OXR1: variants seen among roughly 807,000 people sequenced by gnomAD.
OXR1 encodes the protein oxidation resistance protein 1.
A neutral mutation model predicts 104.6 loss-of-function variants in OXR1; 41 were observed. The ratio of observed to expected loss-of-function variants is 0.39; its 90% CI spans 0.31 to 0.51. The LOEUF is 0.51. OXR1 is among the 20% of genes least tolerant of loss of function. OXR1 has a pLI of 0.77. For missense variants in OXR1, 955 were observed against 1,031.9 expected (o/e 0.93, Z 1.02); for synonymous variants, 348 against 348.4 (o/e 1.00, Z 0.01).
At chr8:106,382,704 T>C (rs1048617966) in intron 2 of OXR1, among the ~76,000 whole-genome samples, 3 of 144,632 alleles carry the variant, frequency 2.1e-5, no homozygotes, top group African/African-American at 8.2e-5. Context: ...TTTTTTTTTT[T>C]TTTTAAGGAG....
rs1048851519 is a variant in OXR1, at chr8:106,706,393, A to T, written c.872A>T (p.Gln291Leu). 4.5e-6 allele frequency: 7 copies of T among 1,568,702 alleles called. No individual in the cohort carries two copies. The Admixed American group carries it at 8.7e-5, about 20-fold the overall frequency. The change falls in exon 9 of 17, where the codon CAG (glutamine) becomes CTG (leucine). Residue 291 changes from glutamine (Q) to leucine (L), a missense_variant. Transcript: ENST00000517566. ...TTGTTTAATGACAGAGATATAGATC[A>T]GCTATCAGGAAGGGACTTCTGCCAT... ...IKESLPIDIDQLSGRDFCHSK... is the reference protein window; with the variant it reads ...IKESLPIDIDLLSGRDFCHSK...
intron 1 of OXR1, among the ~76,000 whole-genome samples, chr8:106,357,475 G>C (rs1816021058): frequency 6.6e-6 from 1 of 152,044 alleles, no homozygotes; most frequent in Non-Finnish European, 1.5e-5. Flanking sequence ...TATTATTCTG[G>C]CAGTCAGGGT....
intron 1 of OXR1, among the ~76,000 whole-genome samples, chr8:106,281,825 A>T (rs13273743): frequency 1.0e-4 from 15 of 144,626 alleles, no homozygotes; most frequent in Admixed American, 1.0e-3. Flanking sequence ...AAAAAAAAAG[A>T]CACTTATATA....
At chr8:106,544,591 T>C (rs141176414) in intron 3 of OXR1, among the ~76,000 whole-genome samples, 1 of 152,230 alleles carries the variant, frequency 6.6e-6, no homozygotes, top group Non-Finnish European at 1.5e-5. Context: ...TTGACTGACA[T>C]AGCACTACGA....
intron 3 of OXR1, among the ~76,000 whole-genome samples, chr8:106,555,622 C>T (rs752920604): frequency 5.9e-5 from 9 of 152,030 alleles, no homozygotes; most frequent in East Asian, 1.9e-4. Context: ...ATTTTCTAAG[C>T]GCTTTCTGTG....
At chr8:106,586,208 T>C (rs1045139383) in intron 3 of OXR1, among the ~76,000 whole-genome samples, 1 of 152,028 alleles carries the variant, frequency 6.6e-6, no homozygotes, top group African/African-American at 2.4e-5. Flanking sequence ...GAGACCAAGA[T>C]GGTAGTGCTA....
At chr8:106,294,097 A>C (rs574519087) in intron 1 of OXR1, among the ~76,000 whole-genome samples, 6 of 151,224 alleles carry the variant, frequency 4.0e-5, no homozygotes, top group African/African-American at 1.5e-4. Flanking sequence ...CTTGCATTGC[A>C]ATAAAGAAAG....
chr8:106,642,692 G>A (rs956200772), intron 3 of OXR1, among the ~76,000 whole-genome samples: 1 of 152,188 alleles, frequency 6.6e-6, no homozygotes, highest in African/African-American at 2.4e-5. Flanking sequence ...GAAGAATCAG[G>A]TTTGGTTACA....
At chr8:106,739,140 C>T (rs1284150429) in intron 12 of OXR1, among the ~76,000 whole-genome samples, 1 of 148,864 alleles carries the variant, frequency 6.7e-6, no homozygotes, top group Non-Finnish European at 1.5e-5. Context: ...AGCTAGCTGA[C>T]TTTTGCCCTT....
chr8:106,300,470 T>C (rs1037667255), intron 1 of OXR1, among the ~76,000 whole-genome samples: 1 of 152,056 alleles, frequency 6.6e-6, no homozygotes, highest in African/African-American at 2.4e-5. Flanking sequence ...TGTTGATTTC[T>C]ATATTTCTGT....
At chr8:106,545,775 A>G (rs897029361) in intron 3 of OXR1, among the ~76,000 whole-genome samples, 19 of 152,174 alleles carry the variant, frequency 1.2e-4, no homozygotes, top group African/African-American at 4.3e-4. Flanking sequence ...AGGTGAGTGG[A>G]TCACTTAAGC....
intron 3 of OXR1, among the ~76,000 whole-genome samples, chr8:106,611,412 C>T (rs1267017170): frequency 1.3e-5 from 2 of 152,200 alleles, no homozygotes; most frequent in Non-Finnish European, 2.9e-5. Context: ...TTCAGTTTAA[C>T]TCTGTACGCA....
chr8:106,737,438 CT>C (rs1834489232), intron 11 of OXR1, 81 bp from the exon 12 acceptor site: 2 of 323,868 alleles, frequency 6.2e-6, no homozygotes, highest in African/African-American at 8.1e-5. Context: ...TTAATTTCTC[CT>C]CTTTTTTTTT....
chr8:106,540,454 C>G (rs1280127589), intron 3 of OXR1, among the ~76,000 whole-genome samples: 1 of 152,080 alleles, frequency 6.6e-6, no homozygotes, highest in East Asian at 1.9e-4. Flanking sequence ...TGCACAAAAC[C>G]ATGCTTATAT....
intron 3 of OXR1, chr8:106,581,122 T>TA: frequency 3.2e-6 from 4 of 1,260,546 alleles, no homozygotes; most frequent in Non-Finnish European, 4.1e-6. Flanking sequence ...AGTCTAGACT[T>TA]AAAGATTTAG....
intron 2 of OXR1, among the ~76,000 whole-genome samples, chr8:106,475,615 C>T (rs1821760367): frequency 6.6e-6 from 1 of 151,930 alleles, no homozygotes; most frequent in South Asian, 2.1e-4. Flanking sequence ...ATCCTTCTTC[C>T]ACTGTTTGCT....
intron 3 of OXR1, among the ~76,000 whole-genome samples, chr8:106,673,987 C>G (rs1354639664): frequency 1.3e-5 from 2 of 152,230 alleles, no homozygotes; most frequent in African/African-American, 4.8e-5. Flanking sequence ...AGAACCTTTG[C>G]TAGGGCAGTG....
chr8:106,733,846 A>AG (rs1834125939), intron 11 of OXR1, among the ~76,000 whole-genome samples: 2 of 150,618 alleles, frequency 1.3e-5, no homozygotes, highest in African/African-American at 4.9e-5. Context: ...AAAAAAGAAA[A>AG]GAAAAAAAAA....
intron 6 of OXR1, among the ~76,000 whole-genome samples, chr8:106,689,049 A>G (rs1829026032): frequency 6.6e-6 from 1 of 152,142 alleles, no homozygotes; most frequent in African/African-American, 2.4e-5. Context: ...AATTACCTAT[A>G]TTAGTTTCCT....
Sources: allele counts gnomAD v4.1 joint callset (sites outside exome capture counted in the v4.1 genomes callset), GRCh38; gene constraint gnomAD v4.1.1; transcripts MANE v1.5; gene names NCBI Gene and HGNC (gene_info 2026-07-23, HGNC 2026-07-21).